MAPKBP1: variants seen among roughly 807,000 people sequenced by gnomAD.
MAPKBP1 encodes the protein mitogen-activated protein kinase-binding protein 1.
Under a neutral mutation model 170.5 loss-of-function variants are expected in MAPKBP1, and 71 were observed. The observed-to-expected ratio is 0.42, with a 90% CI of 0.34 to 0.51. The LOEUF (loss-of-function observed/expected upper bound fraction) is 0.51, where lower values mean the gene tolerates loss of function less well. MAPKBP1 is among the 20% of genes least tolerant of loss of function. The pLI, the probability that MAPKBP1 is intolerant of heterozygous loss-of-function variation, is 0.06. For missense variants in MAPKBP1, 1,598 were observed against 1,933.0 expected, an observed-to-expected ratio of 0.83 and a Z score of 3.25; for synonymous variants, 719 against 757.9, an observed-to-expected ratio of 0.95 and a Z score of 0.84.
At chr15:41,811,758 C>A in intron 5 of MAPKBP1, 199 bp from the exon 6 acceptor site, 2 of 707,066 alleles carry the variant, frequency 2.8e-6, no homozygotes, top group South Asian at 3.0e-5. Flanking sequence ...GACTAAAATC[C>A]GGGGCCACTT....
At chr15:41,811,396 A>G (rs2064803421) in intron 5 of MAPKBP1, 161 bp downstream of exon 5, 1 of 764,900 alleles carries the variant, frequency 1.3e-6, no homozygotes, top group African/African-American at 1.7e-5. Context: ...GCTTTAGTGT[A>G]CATCAGAATC....
chr15:41,825,153 C>T, intron 30 of MAPKBP1, 56 bp from the exon 31 acceptor site: 4 of 1,459,420 alleles, frequency 2.7e-6, no homozygotes, highest in Non-Finnish European at 3.7e-6. Flanking sequence ...GGGCCCCTCC[C>T]TTTTATATGT....
chr15:41,774,941 C>T, intron 1 of MAPKBP1: 1 of 482,742 alleles, frequency 2.1e-6, no homozygotes, highest in Non-Finnish European at 3.6e-6. Context: ...CCATCCATCT[C>T]GCCAGTTAAA....
rs569110261 is a variant in MAPKBP1 at position 41,799,645 on chromosome 15, G to GT, written c.115-177dup. Among the ~76,000 whole-genome samples, 231 of 152,342 alleles carry GT rather than the reference G, an allele frequency of 1.5e-3. 1 individual carries two copies. Among genetic ancestry groups the GT allele is most frequent in the Middle Eastern group, 3.4e-3 (1 of 294 alleles). ...GTGATGCACGCTGGGTTTTTCCCGT[G>GT]TGATCAAGAAGCCCGGTGGGCAGAA... On this transcript the variant is annotated intron_variant, in intron 2 of 30. Transcript: ENST00000457542.
At chr15:41,824,642 A>G in intron 30 of MAPKBP1, 73 bp downstream of exon 30, 1 of 1,377,372 alleles carries the variant, frequency 7.3e-7, no homozygotes, top group Non-Finnish European at 9.9e-7. Context: ...AACCATGTCC[A>G]GAACAGTATG....
chr15:41,812,748 C>A, intron 7 of MAPKBP1, 95 bp downstream of exon 7: 1 of 1,490,078 alleles, frequency 6.7e-7, no homozygotes, highest in Non-Finnish European at 9.0e-7. Context: ...CCTCTCTCTG[C>A]ATTCCCAGCA....
chr15:41,777,460 C>T lies in MAPKBP1; in HGVS notation c.114+2071C>T, dbSNP rs545317467. On this transcript the variant is annotated intron_variant, in intron 2 of 30. Transcript: ENST00000457542. ...GGAAAAGGGGCATCCCTGGCAAGACCATTTACCATTCCCTGTTTAAAATAG... is the reference window on the plus strand; with the variant it reads ...GGAAAAGGGGCATCCCTGGCAAGACTATTTACCATTCCCTGTTTAAAATAG... Among the ~76,000 whole-genome samples the T allele has an allele frequency of 4.4e-4, 67 of 152,254 alleles. No homozygotes were observed. The South Asian group carries it at 0.01, about 24-fold the overall frequency.
chr15:41,797,735 G>A (rs76616615), intron 2 of MAPKBP1, among the ~76,000 whole-genome samples: 2,796 of 152,292 alleles, frequency 0.018, 45 homozygotes, highest in Middle Eastern at 0.044. Flanking sequence ...CTTGCCAGGT[G>A]GCTGTGGGTT....
intron 2 of MAPKBP1, among the ~76,000 whole-genome samples, chr15:41,786,777 A>AAAAATATATATATATATATATATATAT: frequency 1.2e-4 from 4 of 32,444 alleles, no homozygotes; most frequent in African/African-American, 5.2e-4. Flanking sequence ...AAAAAAAAAA[A>AAAAATATATATATATATATATATATAT]ATATATATAT....
chr15:41,811,386 G>C (rs1656292487), intron 5 of MAPKBP1, 151 bp downstream of exon 5: 1 of 801,054 alleles, frequency 1.2e-6, no homozygotes, highest in Non-Finnish European at 2.1e-6. Flanking sequence ...TGGTTCTCAA[G>C]CTTTAGTGTA....
intron 2 of MAPKBP1, among the ~76,000 whole-genome samples, chr15:41,788,863 T>C (rs1324420306): frequency 6.6e-6 from 1 of 152,172 alleles, no homozygotes; most frequent in East Asian, 1.9e-4. Context: ...AATTACACGC[T>C]GATGGGTTGG....
chr15:41,793,324 A>G (rs1024174247), intron 2 of MAPKBP1, among the ~76,000 whole-genome samples: 1 of 152,136 alleles, frequency 6.6e-6, no homozygotes, highest in African/African-American at 2.4e-5. Context: ...CGTCTCTACT[A>G]AAAATACAAA....
chr15:41,819,881 G>A lies in MAPKBP1; in HGVS notation c.2481+231G>A, dbSNP rs563624203. On this transcript the variant is annotated intron_variant, in intron 22 of 30. Coordinates refer to ENST00000457542, the MANE Select transcript of MAPKBP1 (RefSeq NM_014994.3). ...TTCCTGTGGACCAGTTGGGGTGGATGGAGCACAGGGTTAGTCAGCACTGGG... is the reference window on the plus strand; with the variant it reads ...TTCCTGTGGACCAGTTGGGGTGGATAGAGCACAGGGTTAGTCAGCACTGGG... Among the ~76,000 whole-genome samples the A allele has an allele frequency of 3.9e-5, 6 of 152,304 alleles. 1 individual carries two copies. The East Asian group carries it at 1.2e-3, about 29-fold the overall frequency.
intron 2 of MAPKBP1, among the ~76,000 whole-genome samples, chr15:41,790,637 C>G (rs191407647): frequency 6.6e-6 from 1 of 152,114 alleles, no homozygotes; most frequent in Non-Finnish European, 1.5e-5. Context: ...GCAGGATACC[C>G]TTTTTTTGTT....
intron 2 of MAPKBP1, among the ~76,000 whole-genome samples, chr15:41,776,872 C>T (rs2064107054): frequency 6.6e-6 from 1 of 152,144 alleles, no homozygotes; most frequent in African/African-American, 2.4e-5. Context: ...TTATTGAGTG[C>T]CTATGAAGTG....
In MAPKBP1 at chr15:41,820,910, C is replaced by T; in HGVS notation, c.2560C>T (p.Pro854Ser). Residue 854 changes from proline (P) to serine (S), a missense_variant, in exon 23 of 31, where the codon CCA becomes TCA. Transcript: ENST00000457542. ...GPRRRGRWVQPGVELSVRSML... is the reference protein window; with the variant it reads ...GPRRRGRWVQSGVELSVRSML... The stretch of plus-strand genomic sequence containing the variant: ...CAGAAGAAGAGGGCGCTGGGTTCAG[C>T]CAGGTGTGGAACTGAGCGTTAGATC... 6.2e-7 allele frequency: 1 copy of T among 1,614,190 alleles called. No individual in the cohort carries two copies. The highest frequency in any genetic ancestry group is 1.3e-5 in the African/African-American group (1 of 75,040).
intron 10 of MAPKBP1, 71 bp downstream of exon 10, chr15:41,814,810 G>A: frequency 6.5e-7 from 1 of 1,545,740 alleles, no homozygotes; most frequent in South Asian, 1.2e-5. Flanking sequence ...ACAGAAAATA[G>A]GGATCCCCAA....
chr15:41,775,013 G>T (rs988317847), intron 1 of MAPKBP1, 154 bp from the exon 2 acceptor site: 2 of 450,674 alleles, frequency 4.4e-6, no homozygotes, highest in South Asian at 5.3e-5. Context: ...CCCCTTTTTC[G>T]TGAGCCTTTC....
chr15:41,816,750 C>A, intron 13 of MAPKBP1, 100 bp downstream of exon 13: 2 of 1,445,038 alleles, frequency 1.4e-6, no homozygotes, highest in Non-Finnish European at 1.9e-6. Flanking sequence ...ATCTTTGGAT[C>A]ATTGGTGTCT....
Sources: gnomAD v4.1 joint callset for allele counts (sites outside exome capture counted in the v4.1 genomes callset) on GRCh38, gnomAD v4.1.1 for gene constraint, MANE v1.5 for transcripts, NCBI Gene and HGNC (gene_info 2026-07-23, HGNC 2026-07-21) for gene names.